Variants in GPBP1L1 observed in about 807,000 individuals in gnomAD.
GPBP1L1 encodes GC-rich promoter binding protein 1 like 1.
Under a neutral mutation model 52.5 loss-of-function variants are expected in GPBP1L1, and 23 were observed. The ratio of observed to expected loss-of-function variants is 0.44; its 90% CI spans 0.32 to 0.62. The LOEUF (loss-of-function observed/expected upper bound fraction) is 0.62. Ranked by LOEUF, GPBP1L1 falls within the 20% of genes least tolerant of loss-of-function variation. The probability of loss-of-function intolerance (pLI) is 0.06; values close to 1 mark genes in which losing one functional copy is unlikely to be tolerated. For synonymous variants in GPBP1L1, 243 were observed against 203.1 expected (o/e 1.20, Z -1.67); for missense variants, 596 against 579.3 (o/e 1.03, Z -0.30).
chr1:45,679,578 C>G (rs1266081096), intron 2 of GPBP1L1, among the ~76,000 whole-genome samples: 1 of 152,006 alleles, frequency 6.6e-6, no homozygotes, highest in Non-Finnish European at 1.5e-5. Flanking sequence ...CAATAAGATT[C>G]ACAAAAAAGC....
intron 10 of GPBP1L1, among the ~76,000 whole-genome samples, chr1:45,631,250 A>G (rs932339134): frequency 6.6e-6 from 1 of 152,082 alleles, no homozygotes; most frequent in Admixed American, 6.6e-5. Context: ...TTATTTATTT[A>G]TTTATTTGTT....
rs771962340 is a variant in GPBP1L1 at position 45,686,515 on chromosome 1, C to G, written c.-1246G>C. 1 of 152,502 alleles carries G rather than the reference C, an allele frequency of 6.6e-6. No homozygotes were observed. The highest frequency in any genetic ancestry group is 1.5e-5 in the Non-Finnish European group (1 of 68,266). The allele number at this position is 152,502 out of a possible 1,614,324, so 9.4% of individuals were successfully genotyped here. A position where few individuals can be genotyped will look rare whatever the true frequency, so the allele number is the denominator to read the frequency against. On this transcript the variant is annotated 5_prime_UTR_variant, in exon 1 of 13. Coordinates refer to ENST00000355105, the MANE Select transcript of GPBP1L1 (RefSeq NM_021639.5). ...CGGCTAGTCCACAACCATAACAAAG[C>G]TCTTCCCAAAATGGCTGCCCGGCCC...
At chr1:45,655,584 G>A (rs1644875822) in intron 4 of GPBP1L1, 1 of 278,918 alleles carries the variant, frequency 3.6e-6, no homozygotes. Flanking sequence ...AGGAGGCGGA[G>A]GGGAAAAAAG....
In GPBP1L1 at chr1:45,640,542, AATAG is replaced by A. The variant is rs1026974652; in HGVS notation, c.551-143_551-140del. ...ATTAAACATTCCCTGGTATGCACTT[AATAG>A]ATACTCTCAAAAGTGAGACTACTCA... On this transcript the variant is annotated intron_variant, in intron 7 of 12. Coordinates refer to ENST00000355105, the MANE Select transcript of GPBP1L1 (RefSeq NM_021639.5). The A allele has an allele frequency of 2.4e-5, 16 of 680,062 alleles. No individual in the cohort carries two copies. The African/African-American group carries it at 2.5e-4, about 11-fold the overall frequency. 42.1% of individuals were successfully genotyped at this position (680,062 alleles called of 1,614,324 possible). A position where few individuals can be genotyped will look rare whatever the true frequency, so the allele number is the denominator to read the frequency against.
intron 2 of GPBP1L1, among the ~76,000 whole-genome samples, chr1:45,662,024 T>A (rs1019320834): frequency 6.6e-6 from 1 of 152,228 alleles, no homozygotes; most frequent in Non-Finnish European, 1.5e-5. Flanking sequence ...ATATGGTATA[T>A]ATTTTTAGAT....
Position 45,661,221 on chromosome 1 carries a change from T to C in GPBP1L1, c.-1093A>G, listed in dbSNP as rs1445876958. 6.6e-6 allele frequency: 1 copy of C among 152,190 alleles called. No homozygotes were observed. Among genetic ancestry groups the C allele is most frequent in the East Asian group, 1.9e-4 (1 of 5,200 alleles). The allele number at this position is 152,190 out of a possible 1,614,324, so 9.4% of individuals were successfully genotyped here. ...TCATTTGAAAGGCCACACGAATCTA[T>C]CACTCTGTAAATGAAAAAACAAAAC... On this transcript the variant is annotated 5_prime_UTR_variant, in exon 3 of 13. It removes the in-frame stop codon of an upstream open reading frame in the 5' UTR. Coordinates refer to ENST00000355105, the MANE Select transcript of GPBP1L1 (RefSeq NM_021639.5).
At chr1:45,663,531 T>G (rs756109978) in intron 2 of GPBP1L1, among the ~76,000 whole-genome samples, 1 of 152,182 alleles carries the variant, frequency 6.6e-6, no homozygotes, top group Non-Finnish European at 1.5e-5. Context: ...TACTCACCCA[T>G]CACCCTCAAG....
chr1:45,647,078 A>C (rs1293832466), intron 6 of GPBP1L1, among the ~76,000 whole-genome samples: 2 of 150,078 alleles, frequency 1.3e-5, no homozygotes, highest in African/African-American at 4.9e-5. Context: ...TTTTTCTGAA[A>C]TTTTTTATTA....
At chr1:45,675,900 A>G (rs906918664) in intron 2 of GPBP1L1, among the ~76,000 whole-genome samples, 1 of 152,162 alleles carries the variant, frequency 6.6e-6, no homozygotes, top group African/African-American at 2.4e-5. Flanking sequence ...TGCAGATCCT[A>G]AGACTATAGT....
rs765873063 is a variant in GPBP1L1, at chr1:45,672,235, G to A, written c.-1097-11010C>T. On this transcript the variant is annotated intron_variant, in intron 2 of 12. Coordinates refer to ENST00000355105, the MANE Select transcript of GPBP1L1 (RefSeq NM_021639.5). ...AATTAGCTGGGCATGGTGGCCAGGC[G>A]CTTGTAGTCCCAACTACTCGGGAGG... Among the ~76,000 whole-genome samples, 4 of 151,440 alleles carry A rather than the reference G, an allele frequency of 2.6e-5. No individual in the cohort carries two copies. The East Asian group carries it at 5.9e-4, about 22-fold the overall frequency.
chr1:45,637,306 T>C (rs1644605467), intron 8 of GPBP1L1, among the ~76,000 whole-genome samples: 1 of 152,186 alleles, frequency 6.6e-6, no homozygotes, highest in Non-Finnish European at 1.5e-5. Flanking sequence ...ATCTTACCTC[T>C]TCCTCCCTCT....
At chr1:45,672,687 C>CTTT (rs1403464267) in intron 2 of GPBP1L1, among the ~76,000 whole-genome samples, 1 of 151,866 alleles carries the variant, frequency 6.6e-6, no homozygotes, top group Non-Finnish European at 1.5e-5. Context: ...ACAAAGTGAA[C>CTTT]GTAAAAAGAG....
At chr1:45,672,359 A>G (rs1312288575) in intron 2 of GPBP1L1, among the ~76,000 whole-genome samples, 2 of 148,370 alleles carry the variant, frequency 1.3e-5, no homozygotes, top group Non-Finnish European at 3.0e-5. Context: ...AAAAAAAAAA[A>G]GGATTTATTC....
chr1:45,662,929 T>C (rs1475056274), intron 2 of GPBP1L1, among the ~76,000 whole-genome samples: 1 of 151,452 alleles, frequency 6.6e-6, no homozygotes, highest in East Asian at 1.9e-4. Flanking sequence ...TGCATGCCCA[T>C]AGTTCCAGCT....
intron 4 of GPBP1L1, among the ~76,000 whole-genome samples, chr1:45,656,787 T>TCC (rs1349931531): frequency 6.6e-6 from 1 of 151,654 alleles, no homozygotes; most frequent in Non-Finnish European, 1.5e-5. Flanking sequence ...TGCCTTAGCC[T>TCC]CCCAAGTAGC....
At chr1:45,630,324 T>G (rs1644513867) in intron 11 of GPBP1L1, among the ~76,000 whole-genome samples, 158 bp downstream of exon 11, 1 of 152,208 alleles carries the variant, frequency 6.6e-6, no homozygotes, top group African/African-American at 2.4e-5. Context: ...GAATGCTTGA[T>G]GAGCAACAGG....
At chr1:45,675,451 T>A (rs529688248) in intron 2 of GPBP1L1, among the ~76,000 whole-genome samples, 2 of 152,198 alleles carry the variant, frequency 1.3e-5, no homozygotes, top group African/African-American at 4.8e-5. Context: ...ATTATCTCTA[T>A]CTTTTTATAG....
Position 45,659,080 on chromosome 1 carries a change from T to C in GPBP1L1, c.8A>G (p.Gln3Arg), listed in dbSNP as rs1216815283. 2 of 1,614,052 alleles carry C rather than the reference T, an allele frequency of 1.2e-6. No homozygotes were observed. Among genetic ancestry groups the C allele is most frequent in the Non-Finnish European group, 1.7e-6 (2 of 1,180,016 alleles). Residue 3 changes from glutamine (Q) to arginine (R), a missense_variant, in exon 4 of 13, where the codon CAG becomes CGG. By Grantham distance (43) the Gln-to-Arg change is conservative. Coordinates refer to ENST00000355105, the MANE Select transcript of GPBP1L1 (RefSeq NM_021639.5). ...TAGCCAAGCAGGAACAAAATCATGC[T>C]GCGCCATTTAGGTCCAGTGTCTCCT... The part of the protein sequence containing the change: MA[Q>R]HDFVPAWLNF...
At chr1:45,673,298 G>A (rs551103173) in intron 2 of GPBP1L1, among the ~76,000 whole-genome samples, 96 of 152,264 alleles carry the variant, frequency 6.3e-4, no homozygotes, top group African/African-American at 2.3e-3. Context: ...TAAAAGTATG[G>A]GTAGGTGCAG....
Sources: gnomAD v4.1 joint callset for allele counts (sites outside exome capture counted in the v4.1 genomes callset) on GRCh38, gnomAD v4.1.1 for gene constraint, MANE v1.5 for transcripts, NCBI Gene and HGNC (gene_info 2026-07-23, HGNC 2026-07-21) for gene names.